KCNK9: variants seen among roughly 807,000 people sequenced by gnomAD.
The protein encoded by KCNK9 is potassium two pore domain channel subfamily K member 9.
In KCNK9, 1 loss-of-function variant was observed where a neutral mutation model predicts 10.8. The ratio of observed to expected loss-of-function variants is 0.09; its 90% CI spans 0.03 to 0.44. The LOEUF (loss-of-function observed/expected upper bound fraction) is 0.44, where lower values mean the gene tolerates loss of function less well. Among genes scored for constraint, KCNK9 ranks in the 20% least tolerant of loss-of-function variants. The pLI, the probability that KCNK9 is intolerant of heterozygous loss-of-function variation, is 0.97. For synonymous variants in KCNK9, 231 were observed against 222.7 expected (o/e 1.04, Z -0.33); for missense variants, 303 against 515.0 (o/e 0.59, Z 3.98).
intron 1 of KCNK9, among the ~76,000 whole-genome samples, chr8:139,636,061 T>G (rs1415110741): frequency 1.3e-5 from 2 of 152,236 alleles, no homozygotes; most frequent in Non-Finnish European, 2.9e-5. Context: ...GCCCCTGGAA[T>G]TCTGTTCATT....
chr8:139,666,089 A>T (rs1442277307), intron 1 of KCNK9, among the ~76,000 whole-genome samples: 2 of 152,218 alleles, frequency 1.3e-5, no homozygotes, highest in Non-Finnish European at 2.9e-5. Flanking sequence ...ATTTGATCCC[A>T]GCTACCTGGT....
rs376072942 is a variant in KCNK9, at chr8:139,668,570, C to T, written c.283+34140G>A. Among the ~76,000 whole-genome samples the T allele has an allele frequency of 1.6e-3, 241 of 152,098 alleles. 1 individual carries two copies. The highest frequency in any genetic ancestry group is 5.4e-3 in the African/African-American group (225 of 41,508). The stretch of plus-strand genomic sequence containing the variant: ...CCAAGTAGCTGGGATTACAGGTGTG[C>T]GCCACCACGTCCAGCTAATTTTTGT... On this transcript the variant is annotated intron_variant, in intron 1 of 1. Transcript: ENST00000520439.
At chr8:139,640,728 C>G (rs1205889900) in intron 1 of KCNK9, among the ~76,000 whole-genome samples, 1 of 152,222 alleles carries the variant, frequency 6.6e-6, no homozygotes, top group Non-Finnish European at 1.5e-5. Flanking sequence ...GTCCAAGAAC[C>G]TGGATGGGGA....
chr8:139,605,148 CCTT>C (rs1817458291), intron 2 of KCNK9, among the ~76,000 whole-genome samples: 1 of 152,250 alleles, frequency 6.6e-6, no homozygotes, highest in Non-Finnish European at 1.5e-5. Context: ...CCTCGTTTTC[CCTT>C]CTTGTGTCCA....
chr8:139,634,605 T>C (rs1307606384), intron 1 of KCNK9, among the ~76,000 whole-genome samples: 2 of 152,172 alleles, frequency 1.3e-5, no homozygotes, highest in Non-Finnish European at 1.5e-5. Context: ...TGGACTGTCC[T>C]GCCCAGAGCA....
At position 139,621,239 on chromosome 8, in the gene KCNK9, C is replaced by T. The variant is rs564169201; in HGVS notation, c.284-2140G>A. 9.4e-5 allele frequency among the ~76,000 whole-genome samples: 14 copies of T among 149,342 alleles called. No homozygotes were observed. The East Asian group carries it at 2.8e-3, about 30-fold the overall frequency. On this transcript the variant is annotated intron_variant, in intron 1 of 1. Transcript: ENST00000520439. Reference sequence around the variant, plus strand: ...CCAGGTGGTGGAGGTTGCAATGAGCCATGATTGTGCCACTGCACTCCAACC... The same window carrying T: ...CCAGGTGGTGGAGGTTGCAATGAGCTATGATTGTGCCACTGCACTCCAACC...
downstream of KCNK9, among the ~76,000 whole-genome samples, chr8:139,615,407 G>C (rs753922093): frequency 6.6e-5 from 10 of 152,120 alleles, no homozygotes; most frequent in Non-Finnish European, 1.0e-4. Context: ...ATTAAGAGAA[G>C]AAAGAACCCT....
intron 1 of KCNK9, among the ~76,000 whole-genome samples, chr8:139,679,319 C>T (rs750563628): frequency 4.6e-5 from 7 of 152,198 alleles, no homozygotes; most frequent in Admixed American, 2.6e-4. Flanking sequence ...AGGCAGGATG[C>T]GGAATGGCAG....
intron 1 of KCNK9, among the ~76,000 whole-genome samples, chr8:139,681,273 G>A (rs986125928): frequency 3.3e-5 from 5 of 152,200 alleles, no homozygotes; most frequent in African/African-American, 1.2e-4. Context: ...GGCAGGGAGG[G>A]AACCATCAGG....
chr8:139,601,978 T>C (rs559772129), intron 2 of KCNK9: 58 of 152,352 alleles, frequency 3.8e-4, no homozygotes, highest in African/African-American at 1.3e-3. Context: ...ACCGTTTGTG[T>C]CCACCATGGG....
intron 1 of KCNK9, among the ~76,000 whole-genome samples, chr8:139,627,804 A>G (rs1403140668): frequency 6.6e-6 from 1 of 152,226 alleles, no homozygotes; most frequent in Non-Finnish European, 1.5e-5. Flanking sequence ...GGTTTCTCTT[A>G]GAAGCTACCT....
At chr8:139,699,267 G>T (rs770895926) in intron 1 of KCNK9, among the ~76,000 whole-genome samples, 1 of 152,158 alleles carries the variant, frequency 6.6e-6, no homozygotes, top group African/African-American at 2.4e-5. Flanking sequence ...AGGCTAAAGC[G>T]CCTGCTGAAG....
intron 1 of KCNK9, among the ~76,000 whole-genome samples, chr8:139,666,629 A>G (rs1187927581): frequency 6.6e-6 from 1 of 152,210 alleles, no homozygotes; most frequent in South Asian, 2.1e-4. Flanking sequence ...CAGGCTTCTG[A>G]GCCCAGGCTG....
chr8:139,655,059 G>T (rs1586668206), intron 1 of KCNK9, among the ~76,000 whole-genome samples: 4 of 152,158 alleles, frequency 2.6e-5, no homozygotes, highest in African/African-American at 9.7e-5. Context: ...GGCAGAGCTA[G>T]AGATAAAAGT....
At chr8:139,640,287 T>C (rs1186432972) in intron 1 of KCNK9, among the ~76,000 whole-genome samples, 1 of 152,192 alleles carries the variant, frequency 6.6e-6, no homozygotes, top group Non-Finnish European at 1.5e-5. Context: ...AGAATCCTGG[T>C]CTGCCACCAG....
At chr8:139,651,311 T>C in intron 1 of KCNK9, among the ~76,000 whole-genome samples, 1 of 152,146 alleles carries the variant, frequency 6.6e-6, no homozygotes, top group East Asian at 1.9e-4. Context: ...TGCCCCCACA[T>C]ATCCTCCTGT....
At chr8:139,684,700 A>G (rs1816753968) in intron 1 of KCNK9, among the ~76,000 whole-genome samples, 1 of 152,234 alleles carries the variant, frequency 6.6e-6, no homozygotes, top group Non-Finnish European at 1.5e-5. Context: ...ACATAAAACT[A>G]AAATTGTCAG....
At position 139,666,087 on chromosome 8, in the gene KCNK9, C is replaced by T. The variant is rs1816292446; in HGVS notation, c.283+36623G>A. On this transcript the variant is annotated intron_variant, in intron 1 of 1. Coordinates refer to ENST00000520439, the MANE Select transcript of KCNK9 (RefSeq NM_001282534.2). ...CTTGGGTCCCATCTGGGATTTGATC[C>T]CAGCTACCTGGTCACCAGCCATGGG... is the stretch of plus-strand genomic sequence containing the variant. Among the ~76,000 whole-genome samples the T allele has an allele frequency of 2.0e-5, 3 of 152,208 alleles. No individual in the cohort carries two copies. The South Asian group carries it at 6.2e-4, about 32-fold the overall frequency.
At chr8:139,612,482 A>T (rs1296601375), downstream of KCNK9, 1 of 152,210 alleles carries the variant, frequency 6.6e-6, no homozygotes, top group South Asian at 2.1e-4. Flanking sequence ...GGACCCTCAC[A>T]TCGAGCGTTT....
Sources: gnomAD v4.1 joint callset for allele counts (sites outside exome capture counted in the v4.1 genomes callset) on GRCh38, gnomAD v4.1.1 for gene constraint, MANE v1.5 for transcripts, NCBI Gene and HGNC (gene_info 2026-07-23, HGNC 2026-07-21) for gene names.